The following MTERF4 variants were observed in gnomAD, a reference collection of about 807,000 sequenced individuals.
MTERF4 encodes transcription termination factor 4, mitochondrial.
In MTERF4, 17 loss-of-function variants were observed where a neutral mutation model predicts 22.5. That is an observed-to-expected ratio of 0.75 (90% confidence interval 0.52 to 1.13). The LOEUF (loss-of-function observed/expected upper bound fraction) is 1.13, where lower values mean the gene tolerates loss of function less well. Among genes scored for constraint, MTERF4 ranks in the 50% most tolerant of loss-of-function variants. The probability of loss-of-function intolerance (pLI) is 0.00; values close to 1 mark genes in which losing one functional copy is unlikely to be tolerated. For synonymous variants in MTERF4, 165 were observed against 175.3 expected (o/e 0.94, Z 0.47); for missense variants, 420 against 466.8 (o/e 0.90, Z 0.92).
At chr2:241,063,258 A>G in the MTERF4 span, 1 of 479,940 alleles carries the variant, frequency 2.1e-6, no homozygotes, top group Non-Finnish European at 3.8e-6. Flanking sequence ...GTACCTCGCT[A>G]GGGCTCTAAG....
exon 5 of MTERF4, chr2:241,072,920 G>T: frequency 3.0e-6 from 1 of 338,714 alleles, no homozygotes. Context: ...AAGAAGCAGG[G>T]GTGGAAGGAG....
At chr2:241,069,968 C>G (rs767215716), downstream of MTERF4, 2 of 1,613,016 alleles carry the variant, frequency 1.2e-6, no homozygotes, top group Non-Finnish European at 1.7e-6. The surrounding 1 kb of genome is among the most constrained non-coding windows in gnomAD (Gnocchi z 4.9). Context: ...ACTGCCACCT[C>G]TGCCCACGTG....
At chr2:241,045,463 A>G in the MTERF4 span, among the ~76,000 whole-genome samples, 17 of 152,352 alleles carry the variant, frequency 1.1e-4, no homozygotes, top group East Asian at 1.2e-3. Context: ...ACATGGATCA[A>G]TGAAACAGGA....
rs765370535 is a variant in MTERF4, at chr2:241,099,604, G to A, written c.312C>T (p.Phe104=). Residue 104 remains phenylalanine (F), a synonymous_variant, in exon 2 of 4, where the codon TTC becomes TTT. Coordinates refer to ENST00000391980, the MANE Select transcript of MTERF4 (RefSeq NM_182501.4). Reference sequence around the variant, plus strand: ...GCAATTCATTAATATGGGCATTGCTGAAACCCATGTCCAGGAGGGAACTCA... The same window carrying A: ...GCAATTCATTAATATGGGCATTGCTAAAACCCATGTCCAGGAGGGAACTCA... ...RVMSSLLDMG[F]SNAHINELLS... is the part of the protein sequence containing the mutation. 1 of 1,614,182 alleles carries A rather than the reference G, an allele frequency of 6.2e-7. No individual in the cohort carries two copies. Among genetic ancestry groups the A allele is most frequent in the Non-Finnish European group, 8.5e-7 (1 of 1,180,026 alleles).
intron 1 of MTERF4, among the ~76,000 whole-genome samples, chr2:241,100,427 T>G (rs1296014074): frequency 6.6e-6 from 1 of 152,132 alleles, no homozygotes; most frequent in African/African-American, 2.4e-5. Flanking sequence ...AGGATCTACT[T>G]CCTCTTAATG....
chr2:241,086,215 T>C (rs772849610), downstream of MTERF4, among the ~76,000 whole-genome samples: 2 of 152,224 alleles, frequency 1.3e-5, no homozygotes, highest in Non-Finnish European at 2.9e-5. Flanking sequence ...CTCTCTACTC[T>C]GGCTCTGGAA....
chr2:241,051,657 G>A, the MTERF4 span: 1 of 1,101,824 alleles, frequency 9.1e-7, no homozygotes, highest in Non-Finnish European at 1.3e-6. The surrounding 1 kb of genome is among the most constrained non-coding windows in gnomAD (Gnocchi z 4.7). Context: ...CAGCACCAGA[G>A]GACTGAGGAG....
the MTERF4 span, chr2:241,065,655 G>T: frequency 7.5e-6 from 11 of 1,470,776 alleles, 1 homozygote; most frequent in Admixed American, 2.2e-4. Context: ...GGCAGCGCTG[G>T]CCCCGGCACC....
chr2:241,051,980 G>A, the MTERF4 span: 2 of 1,531,628 alleles, frequency 1.3e-6, no homozygotes, highest in Non-Finnish European at 1.8e-6. The surrounding 1 kb of genome is among the most constrained non-coding windows in gnomAD (Gnocchi z 4.7). Flanking sequence ...CCCAGCTCTG[G>A]GATGTTGGGG....
chr2:241,063,970 T>TC, the MTERF4 span: 7 of 1,361,754 alleles, frequency 5.1e-6, no homozygotes, highest in East Asian at 5.1e-5. Context: ...TCCCCCAGAC[T>TC]CCCCCCTTGC....
At chr2:241,046,249 T>A in the MTERF4 span, among the ~76,000 whole-genome samples, 3 of 152,224 alleles carry the variant, frequency 2.0e-5, no homozygotes, top group African/African-American at 7.2e-5. Flanking sequence ...GTTTGGCAGG[T>A]TTTTTATAAG....
intron 1 of MTERF4, chr2:241,101,243 G>A (rs1276083459): frequency 4.3e-6 from 2 of 460,704 alleles, no homozygotes; most frequent in Non-Finnish European, 9.1e-6. Flanking sequence ...GGGAAACAGT[G>A]ACAGATCATC....
chr2:241,086,505 C>G (rs534869737), downstream of MTERF4, among the ~76,000 whole-genome samples: 151 of 152,368 alleles, frequency 9.9e-4, 1 homozygote, highest in African/African-American at 3.2e-3. Flanking sequence ...AGGCTGACCA[C>G]AGGACTCATC....
rs10167344 is a variant in MTERF4 at position 241,096,064 on chromosome 2, G to A, written c.1080C>T (p.Asp360=). The change falls in exon 4 of 4, where the codon GAC becomes GAT. Residue 360 remains aspartate (D), a synonymous_variant. Transcript: ENST00000391980. This position sits in a 1 kb window ranked among gnomAD's most constrained non-coding sequence, Gnocchi z 5.1. ...CCGCCTCGTCGTCGTCCTCATCATCGTCATCCTCATCATTGTCATCCTCAT... is the reference window on the plus strand; with the variant it reads ...CCGCCTCGTCGTCGTCCTCATCATCATCATCCTCATCATTGTCATCCTCAT... ...DNDEDDNDED[D]DDEDDDEAED... 495 of 1,610,752 alleles carry A rather than the reference G, an allele frequency of 3.1e-4. 6 individuals carry two copies. The South Asian group carries it at 5.1e-3, about 17-fold the overall frequency.
chr2:241,066,969 C>T, the MTERF4 span, among the ~76,000 whole-genome samples: 23 of 152,344 alleles, frequency 1.5e-4, no homozygotes, highest in South Asian at 3.7e-3. Flanking sequence ...AGAGCCTGGG[C>T]GCATGTGCGG....
At chr2:241,069,117 CA>C (rs1384412478), downstream of MTERF4, 4 of 823,516 alleles carry the variant, frequency 4.9e-6, no homozygotes, top group Non-Finnish European at 7.4e-6. This position sits in a 1 kb window ranked among gnomAD's most constrained non-coding sequence, Gnocchi z 4.9. Flanking sequence ...CCAAAGCGTC[CA>C]CAACACCAGA....
In MTERF4 at chr2:241,101,749, C is replaced by T. The variant is rs184647652; in HGVS notation, c.21+504G>A. 3.3e-5 allele frequency among the ~76,000 whole-genome samples: 5 copies of T among 152,314 alleles called. No individual in the cohort carries two copies. The South Asian group carries it at 6.2e-4, about 19-fold the overall frequency. ...TGTTATCTTCCTTGTGAAGTTCAAA[C>T]TCTTGTTCAACAGTCAACTCAGGCC... On this transcript the variant is annotated intron_variant, in intron 1 of 3. Coordinates refer to ENST00000391980, the MANE Select transcript of MTERF4 (RefSeq NM_182501.4).
downstream of MTERF4, chr2:241,071,911 G>A: frequency 3.9e-6 from 6 of 1,541,444 alleles, no homozygotes; most frequent in Non-Finnish European, 3.5e-6. Context: ...CCACCTTGGT[G>A]GCCCACCCTC....
downstream of MTERF4, among the ~76,000 whole-genome samples, chr2:241,091,426 A>G (rs2063985098): frequency 1.3e-5 from 2 of 152,080 alleles, no homozygotes; most frequent in South Asian, 4.1e-4. The surrounding 1 kb of genome is among the most constrained non-coding windows in gnomAD (Gnocchi z 4.1). Flanking sequence ...CCCCGTGTGC[A>G]CTGCCATATG....
Sources: gnomAD v4.1 joint callset for allele counts (sites outside exome capture counted in the v4.1 genomes callset) on GRCh38, gnomAD v4.1.1 for gene constraint, Gnocchi (gnomAD v3.1) non-coding constraint, MANE v1.5 for transcripts, NCBI Gene and HGNC (gene_info 2026-07-23, HGNC 2026-07-21) for gene names.